Variants in CFAP61 observed in about 807,000 individuals in gnomAD.
The protein encoded by CFAP61 is cilia and flagella associated protein 61.
A neutral mutation model predicts 135.6 loss-of-function variants in CFAP61; 107 were observed. That is an observed-to-expected ratio of 0.79 (90% CI 0.67 to 0.93). The LOEUF (loss-of-function observed/expected upper bound fraction) is 0.93, where lower values mean the gene tolerates loss of function less well. Ranked by LOEUF, CFAP61 falls within the 40% of genes least tolerant of loss-of-function variation. CFAP61 has a pLI of 0.00. For missense variants in CFAP61, 1,507 were observed against 1,556.2 expected, an observed-to-expected ratio of 0.97 and a Z score of 0.53; for synonymous variants, 575 against 578.5, an observed-to-expected ratio of 0.99 and a Z score of 0.09.
At chr20:20,215,766 T>C (rs1377162220) in intron 17 of CFAP61, among the ~76,000 whole-genome samples, 1 of 152,084 alleles carries the variant, frequency 6.6e-6, no homozygotes. Flanking sequence ...CCAAAGAACA[T>C]AGAGTGATTC....
chr20:20,341,038 T>C (rs2058426744), intron 25 of CFAP61, among the ~76,000 whole-genome samples: 2 of 152,070 alleles, frequency 1.3e-5, no homozygotes, highest in Admixed American at 6.6e-5. Context: ...CACCAGGTTT[T>C]TCCTTCCCCT....
chr20:20,187,916 C>A lies in CFAP61; in HGVS notation c.1386-14C>A. On this transcript the variant is annotated splice_polypyrimidine_tract_variant and intron_variant, in intron 13 of 26. Transcript: ENST00000245957. ...AGTACTTTAACTTAAAAATATATTC[C>A]TCTCCTTACCCAGGTCCATTAATAT... 1 of 1,607,004 alleles carries A rather than the reference C, an allele frequency of 6.2e-7. No individual in the cohort carries two copies. Among genetic ancestry groups the A allele is most frequent in the Non-Finnish European group, 8.5e-7 (1 of 1,174,364 alleles).
At chr20:20,189,044 A>G (rs1251945446) in intron 14 of CFAP61, among the ~76,000 whole-genome samples, 2 of 152,214 alleles carry the variant, frequency 1.3e-5, no homozygotes, top group East Asian at 3.8e-4. Flanking sequence ...ATTTCATGGC[A>G]TGAATATACC....
At chr20:20,204,256 G>A (rs990356161) in intron 17 of CFAP61, among the ~76,000 whole-genome samples, 2 of 152,116 alleles carry the variant, frequency 1.3e-5, no homozygotes, top group Non-Finnish European at 2.9e-5. Flanking sequence ...ATTAATGATG[G>A]TCTGATTAAA....
intron 26 of CFAP61, among the ~76,000 whole-genome samples, chr20:20,356,519 G>A (rs2059179737): frequency 3.5e-5 from 5 of 141,786 alleles, no homozygotes; most frequent in South Asian, 2.2e-4. Context: ...ACTGAGGGGA[G>A]GTGGTCACAG....
intron 17 of CFAP61, among the ~76,000 whole-genome samples, chr20:20,203,329 C>G (rs2056714580): frequency 6.6e-6 from 1 of 152,274 alleles, no homozygotes. Flanking sequence ...CATCATAGAC[C>G]TGAAAGATTC....
intron 17 of CFAP61, chr20:20,220,359 C>G (rs944642496): frequency 2.0e-5 from 3 of 152,272 alleles, no homozygotes; most frequent in African/African-American, 7.2e-5. Context: ...TGAGCCCCAC[C>G]CTTTTATAAT....
At chr20:20,233,425 C>T (rs542655316) in intron 18 of CFAP61, among the ~76,000 whole-genome samples, 18 of 152,288 alleles carry the variant, frequency 1.2e-4, no homozygotes, top group African/African-American at 4.1e-4. Context: ...GGGAGCGAGG[C>T]CCAGGGCATG....
chr20:20,150,682 G>A (rs1255784130), intron 9 of CFAP61, among the ~76,000 whole-genome samples: 4 of 152,196 alleles, frequency 2.6e-5, no homozygotes, highest in Non-Finnish European at 5.9e-5. Flanking sequence ...ACCAGAGCAG[G>A]TGCTGGTATT....
At chr20:20,225,025 G>T (rs770557060) in intron 17 of CFAP61, among the ~76,000 whole-genome samples, 6 of 152,148 alleles carry the variant, frequency 3.9e-5, no homozygotes, top group Admixed American at 2.6e-4. Flanking sequence ...GGAAAAGCTG[G>T]CTTGACTCAT....
At chr20:20,072,141 GTC>G (rs1435247611) in intron 3 of CFAP61, among the ~76,000 whole-genome samples, 2 of 100,744 alleles carry the variant, frequency 2.0e-5, no homozygotes, top group East Asian at 6.1e-4. Flanking sequence ...TTGAGATGGA[GTC>G]TCACTCTGTC....
At chr20:20,079,665 A>G (rs192067935) in intron 6 of CFAP61, among the ~76,000 whole-genome samples, 5 of 152,326 alleles carry the variant, frequency 3.3e-5, no homozygotes, top group African/African-American at 9.6e-5. Context: ...CTTCAGATAC[A>G]TATTATCTAC....
chr20:20,091,003 CACTT>C (rs2047158968), intron 7 of CFAP61, 27 bp downstream of exon 7: 3 of 1,611,700 alleles, frequency 1.9e-6, no homozygotes, highest in Non-Finnish European at 2.5e-6. Context: ...TGTGGGAACA[CACTT>C]AGTGAGAGGA....
chr20:20,175,095 CT>C (rs2054513950), intron 13 of CFAP61, among the ~76,000 whole-genome samples: 1 of 152,196 alleles, frequency 6.6e-6, no homozygotes, highest in Admixed American at 6.5e-5. Flanking sequence ...ACATTGCACC[CT>C]TTGTATCTGT....
Position 20,075,542 on chromosome 20 carries a change from T to A in CFAP61, c.493T>A (p.Tyr165Asn). The A allele has an allele frequency of 6.2e-7, 1 of 1,614,088 alleles. No individual in the cohort carries two copies. The highest frequency in any genetic ancestry group is 8.5e-7 in the Non-Finnish European group (1 of 1,179,936). Residue 165 changes from tyrosine (Y) to asparagine (N), a missense_variant, in exon 6 of 27, where the codon TAT (tyrosine) becomes AAT (asparagine). Transcript: ENST00000245957. ...DQVGNIPCLTYEEDFAVHICH... is the reference protein window; with the variant it reads ...DQVGNIPCLTNEEDFAVHICH... Reference sequence around the variant, plus strand: ...AGTGGGGAACATCCCGTGTCTGACGTATGAGGAAGACTTTGCAGTGCATAT... The same window carrying A: ...AGTGGGGAACATCCCGTGTCTGACGAATGAGGAAGACTTTGCAGTGCATAT...
chr20:20,155,873 G>T (rs1489112146), intron 9 of CFAP61, among the ~76,000 whole-genome samples: 1 of 152,116 alleles, frequency 6.6e-6, no homozygotes, highest in Admixed American at 6.5e-5. Flanking sequence ...ATTCCTTAAA[G>T]AATTAAAAGT....
At chr20:20,174,509 A>T (rs1396102601) in intron 13 of CFAP61, among the ~76,000 whole-genome samples, 2 of 152,222 alleles carry the variant, frequency 1.3e-5, no homozygotes, top group Non-Finnish European at 1.5e-5. Context: ...AAGCATAAAA[A>T]GCTTTTTAGT....
chr20:20,171,995 T>TG lies in CFAP61; in HGVS notation c.1385+2536dup, dbSNP rs1332902762. 7.3e-6 allele frequency: 3 copies of TG among 411,374 alleles called. No homozygotes were observed. The East Asian group carries it at 1.1e-4, about 15-fold the overall frequency. 25.5% of individuals were successfully genotyped at this position (411,374 alleles called of 1,614,324 possible). ...CCTCTTAGGGGACATGAATCACCTC[T>TG]GTTCATATTATGTGATCAGGAACTT... On this transcript the variant is annotated intron_variant, in intron 13 of 26. Coordinates refer to ENST00000245957, the MANE Select transcript of CFAP61 (RefSeq NM_015585.4).
At position 20,299,370 on chromosome 20, in the gene CFAP61, A is replaced by G. The variant is rs1034775588; in HGVS notation, c.3422+984A>G. 3.9e-5 allele frequency among the ~76,000 whole-genome samples: 6 copies of G among 152,306 alleles called. 1 individual carries two copies. Among genetic ancestry groups the G allele is most frequent in the Admixed American group, 2.6e-4 (4 of 15,296 alleles). On this transcript the variant is annotated intron_variant, in intron 25 of 26. Transcript: ENST00000245957. ...TGAGTTTGTCATTCTGTTGCCTATA[A>G]AGCAAGGATCAGTGAACTTCTTCTA...
Sources: allele counts gnomAD v4.1 joint callset (sites outside exome capture counted in the v4.1 genomes callset), GRCh38; gene constraint gnomAD v4.1.1; transcripts MANE v1.5; gene names NCBI Gene and HGNC (gene_info 2026-07-23, HGNC 2026-07-21).